The following PCDHGA7 variants were observed in gnomAD, a reference collection of about 807,000 sequenced individuals.
The protein encoded by PCDHGA7 is protocadherin gamma-A7.
In PCDHGA7, 44 loss-of-function variants were observed where a neutral mutation model predicts 58.3. That is an observed-to-expected ratio of 0.75 (90% CI 0.59 to 0.97). The LOEUF is 0.97. Among genes scored for constraint, PCDHGA7 ranks in the 50% least tolerant of loss-of-function variants. PCDHGA7 has a pLI of 0.00. For synonymous variants in PCDHGA7, 516 were observed against 504.2 expected (o/e 1.02, Z -0.31); for missense variants, 1,266 against 1,188.7 (o/e 1.06, Z -0.96).
At position 141,485,671 on chromosome 5, in the gene PCDHGA7, G is replaced by T; in HGVS notation, c.2425-9136G>T. On this transcript the variant is annotated intron_variant, in intron 1 of 3. Coordinates refer to ENST00000518325, the MANE Select transcript of PCDHGA7 (RefSeq NM_018920.4). This position sits in a 1 kb window ranked among gnomAD's most constrained non-coding sequence, Gnocchi z 5.7. The stretch of plus-strand genomic sequence containing the variant: ...AGGATGCAGATGTGGGGAGCAATTC[G>T]ATTAGCAGCTATAGGCTGAGCTCCA... 6.2e-7 allele frequency: 1 copy of T among 1,612,860 alleles called. No homozygotes were observed. The highest frequency in any genetic ancestry group is 8.5e-7 in the Non-Finnish European group (1 of 1,179,040).
At chr5:141,438,583 CAT>C (rs1561889590) in intron 1 of PCDHGA7, among the ~76,000 whole-genome samples, 4 of 57,610 alleles carry the variant, frequency 6.9e-5, no homozygotes, top group African/African-American at 3.6e-4. Flanking sequence ...TACATACATA[CAT>C]ACATACATAT....
At chr5:141,408,121 T>C in intron 1 of PCDHGA7, 1 of 1,475,406 alleles carries the variant, frequency 6.8e-7, no homozygotes, top group South Asian at 1.4e-5. Context: ...CCTCCTGTCC[T>C]GGGCCGAATG....
In PCDHGA7 at chr5:141,476,839, G is replaced by T; in HGVS notation, c.2425-17968G>T. The T allele has an allele frequency of 1.9e-6, 3 of 1,613,610 alleles. No individual in the cohort carries two copies. Among genetic ancestry groups the T allele is most frequent in the East Asian group, 2.2e-5 (1 of 44,862 alleles). ...AGGTGCTGGACGCGAATGACAATGC[G>T]CCTGTCTTCAACCAGTCCTTGTACC... On this transcript the variant is annotated intron_variant, in intron 1 of 3. Coordinates refer to ENST00000518325, the MANE Select transcript of PCDHGA7 (RefSeq NM_018920.4). This position sits in a 1 kb window ranked among gnomAD's most constrained non-coding sequence, Gnocchi z 7.6.
chr5:141,410,788 C>A, intron 1 of PCDHGA7: 2 of 712,228 alleles, frequency 2.8e-6, no homozygotes, highest in Non-Finnish European at 4.0e-6. Context: ...GTATTTGGTT[C>A]ATAAGTTGCT....
intron 1 of PCDHGA7, among the ~76,000 whole-genome samples, chr5:141,467,297 CT>C (rs1229166213): frequency 2.0e-5 from 3 of 152,182 alleles, no homozygotes; most frequent in African/African-American, 7.2e-5. Context: ...AAGTGATCCA[CT>C]CACCTCGGCC....
intron 1 of PCDHGA7, among the ~76,000 whole-genome samples, chr5:141,402,221 G>A (rs567791316): frequency 1.3e-5 from 2 of 151,942 alleles, no homozygotes; most frequent in Admixed American, 6.5e-5. Context: ...TAAAATAAAC[G>A]TTTTTCCAGG....
At chr5:141,408,008 C>A in intron 1 of PCDHGA7, 2 of 949,842 alleles carry the variant, frequency 2.1e-6, no homozygotes, top group Non-Finnish European at 3.0e-6. Context: ...GGATTCCCTG[C>A]GCAGCCAACA....
At position 141,385,154 on chromosome 5, in the gene PCDHGA7, C is replaced by A. The variant is rs761681846; in HGVS notation, c.2255C>A (p.Thr752Asn). The A allele has an allele frequency of 6.2e-7, 1 of 1,614,208 alleles. No individual in the cohort carries two copies. Among genetic ancestry groups the A allele is most frequent in the Admixed American group, 1.7e-5 (1 of 60,026 alleles). ...GACGGGGTGCAGGCTTTCCTGCAGA[C>A]CTATTCCCATGAGGTCTCCCTCACC... is the stretch of plus-strand genomic sequence containing the variant. ...GMDGVQAFLQ[T>N]YSHEVSLTAD... The change falls in exon 1 of 4, where the codon ACC becomes AAC. Residue 752 changes from threonine (T) to asparagine (N), a missense_variant. Physicochemically the swap from Thr to Asn is moderately conservative, Grantham distance 65. Transcript: ENST00000518325.
At chr5:141,421,789 G>A (rs756677817) in intron 1 of PCDHGA7, 5 of 1,613,830 alleles carry the variant, frequency 3.1e-6, no homozygotes, top group East Asian at 2.2e-5. Context: ...GGGCAGAACG[G>A]ATGGGGCCAA....
chr5:141,399,515 C>A, intron 1 of PCDHGA7: 13 of 1,614,040 alleles, frequency 8.1e-6, no homozygotes, highest in Non-Finnish European at 1.1e-5. Flanking sequence ...AACAACCCTC[C>A]TGGGGCCTCC....
At chr5:141,455,186 C>T (rs1436215310) in intron 1 of PCDHGA7, among the ~76,000 whole-genome samples, 3 of 151,542 alleles carry the variant, frequency 2.0e-5, no homozygotes, top group Non-Finnish European at 2.9e-5. Context: ...TTTTATTTCT[C>T]TACAAATTTA....
At chr5:141,400,268 C>T (rs976476082) in intron 1 of PCDHGA7, 3 of 1,613,962 alleles carry the variant, frequency 1.9e-6, no homozygotes, top group East Asian at 4.5e-5. Flanking sequence ...CTGCGACGCT[C>T]CTCCAGCCCT....
rs145569377 is a variant in PCDHGA7 at position 141,455,860 on chromosome 5, ATTATTTATTTATTTATTTATTTATTTAT to A, written c.2425-38920_2425-38893del. Among the ~76,000 whole-genome samples the A allele has an allele frequency of 5.0e-5, 7 of 139,848 alleles. No individual in the cohort carries two copies. The South Asian group carries it at 9.2e-4, about 18-fold the overall frequency. 91.7% of individuals were successfully genotyped at this position (139,848 alleles called of 152,430 possible). On this transcript the variant is annotated intron_variant, in intron 1 of 3. Transcript: ENST00000518325. ...CTATCTGCATAAAATAATTTCTTTT[ATTATTTATTTATTTATTTATTTATTTAT>A]TTATTTATTTATTTATTTATTTATT...
rs554661873 is a variant in PCDHGA7, at chr5:141,487,723, T to C, written c.2425-7084T>C. ...GCCTCTCAGTAAGTGCCCATAGTGATGTCACCATTTTTGTAAGAGGTAACT... is the reference window on the plus strand; with the variant it reads ...GCCTCTCAGTAAGTGCCCATAGTGACGTCACCATTTTTGTAAGAGGTAACT... On this transcript the variant is annotated intron_variant, in intron 1 of 3. Transcript: ENST00000518325. The surrounding 1 kb of genome is among the most constrained non-coding windows in gnomAD (Gnocchi z 5.0). The C allele has an allele frequency of 2.6e-5, 41 of 1,574,932 alleles. No homozygotes were observed. Among genetic ancestry groups the C allele is most frequent in the Non-Finnish European group, 5.2e-6 (6 of 1,158,382 alleles).
rs775489120 is a variant in PCDHGA7 at position 141,418,594 on chromosome 5, C to T, written c.2424+33271C>T. ...ACAACCCCCCAGTGTTCAGCCAGGA[C>T]GTGTACAGGGTTAGCCTTCGGGAAG... On this transcript the variant is annotated intron_variant, in intron 1 of 3. Coordinates refer to ENST00000518325, the MANE Select transcript of PCDHGA7 (RefSeq NM_018920.4). The T allele has an allele frequency of 3.1e-6, 5 of 1,614,022 alleles. No individual in the cohort carries two copies. In the Admixed American group the frequency reaches 8.3e-5, roughly 27 times the overall value.
Position 141,383,630 on chromosome 5 carries a change from T to A in PCDHGA7, c.731T>A (p.Leu244Gln). 3 of 1,613,986 alleles carry A rather than the reference T, an allele frequency of 1.9e-6. No homozygotes were observed. Among genetic ancestry groups the A allele is most frequent in the Non-Finnish European group, 1.7e-6 (2 of 1,179,904 alleles). Residue 244 changes from leucine to glutamine, a missense_variant, in exon 1 of 4, where the codon CTG becomes CAG. Physicochemically the swap from Leu to Gln is moderately radical, Grantham distance 113 (BLOSUM62 -2). Transcript: ENST00000518325. ...DVNDHTPVFS[L>Q]PQYQVTVPEN... Reference sequence around the variant, plus strand: ...AATGACCACACGCCTGTCTTCTCTCTGCCTCAGTACCAAGTAACTGTCCCC... The same window carrying A: ...AATGACCACACGCCTGTCTTCTCTCAGCCTCAGTACCAAGTAACTGTCCCC...
Position 141,384,606 on chromosome 5 carries a change from AGAT to A in PCDHGA7, c.1709_1711del (p.Asp570del), listed in dbSNP as rs1561603197. ...AGATCCTGTACCCGGCCCTCCCCAC[AGAT>A]GGTTCTACTGGCATGGAGCTGGCAC... On this transcript the variant is annotated inframe_deletion, in exon 1 of 4. Transcript: ENST00000518325. 6 of 1,614,152 alleles carry A rather than the reference AGAT, an allele frequency of 3.7e-6. No homozygotes were observed. The highest frequency in any genetic ancestry group is 5.1e-6 in the Non-Finnish European group (6 of 1,180,028).
intron 1 of PCDHGA7, among the ~76,000 whole-genome samples, chr5:141,425,694 A>G (rs1006103007): frequency 6.6e-6 from 1 of 152,240 alleles, no homozygotes; most frequent in Non-Finnish European, 1.5e-5. Context: ...ATATCATTTC[A>G]TAGTGGTCAA....
chr5:141,383,890 G>T lies in PCDHGA7; in HGVS notation c.991G>T (p.Ala331Ser). Reference sequence around the variant, plus strand: ...AGATGGTCCTGGTAGTCTGACAAAGGCAAAAGTACTGATCACAGTTTTAGA... The same window carrying T: ...AGATGGTCCTGGTAGTCTGACAAAGTCAAAAGTACTGATCACAGTTTTAGA... ...AQDGPGSLTK[A>S]KVLITVLDVN... The change falls in exon 1 of 4, where the codon GCA becomes TCA. Residue 331 changes from alanine (A) to serine (S), a missense_variant. Coordinates refer to ENST00000518325, the MANE Select transcript of PCDHGA7 (RefSeq NM_018920.4). The T allele has an allele frequency of 1.2e-6, 2 of 1,613,936 alleles. No individual in the cohort carries two copies. Among genetic ancestry groups the T allele is most frequent in the East Asian group, 2.2e-5 (1 of 44,886 alleles).
Sources: allele counts gnomAD v4.1 joint callset (sites outside exome capture counted in the v4.1 genomes callset), GRCh38; gene constraint gnomAD v4.1.1; non-coding constraint Gnocchi (gnomAD v3.1); transcripts MANE v1.5; gene names NCBI Gene and HGNC (gene_info 2026-07-23, HGNC 2026-07-21).